Variants in PBK observed in about 807,000 individuals in gnomAD.
PBK encodes lymphokine-activated killer T-cell-originated protein kinase.
A neutral mutation model predicts 33.5 loss-of-function variants in PBK; 22 were observed. That is an observed-to-expected ratio of 0.66 (90% CI 0.47 to 0.94). The LOEUF (loss-of-function observed/expected upper bound fraction) is 0.94. PBK is among the 40% of genes least tolerant of loss of function. The pLI is 0.00. For synonymous variants in PBK, 129 were observed against 123.8 expected (o/e 1.04, Z -0.28); for missense variants, 376 against 383.4 (o/e 0.98, Z 0.16).
chr8:27,820,660 T>A lies in PBK; in HGVS notation c.500A>T (p.Asp167Val). The change falls in exon 6 of 8, where the codon GAC becomes GTC. Residue 167 changes from aspartate to valine, a missense_variant. Transcript: ENST00000301905. ...AATTACAACATTTGAAGACTTTATG[T>A]CTCCATGAAGCAGTTTCTTTTCTTG... is the stretch of plus-strand genomic sequence containing the variant. ...LHQEKKLLHG[D>V]IKSSNVVIKG... The A allele has an allele frequency of 6.4e-7, 1 of 1,570,308 alleles. No individual in the cohort carries two copies. Among genetic ancestry groups the A allele is most frequent in the East Asian group, 2.2e-5 (1 of 44,558 alleles).
chr8:27,819,365 CCTTT>C (rs1277035959), intron 6 of PBK, among the ~76,000 whole-genome samples: 1 of 151,806 alleles, frequency 6.6e-6, no homozygotes, highest in Non-Finnish European at 1.5e-5. Flanking sequence ...GAAAATGTTT[CCTTT>C]GAGTAGTTTT....
chr8:27,810,223 C>A lies in PBK; in HGVS notation c.*82G>T. 1 of 929,664 alleles carries A rather than the reference C, an allele frequency of 1.1e-6. No homozygotes were observed. The highest frequency in any genetic ancestry group is 1.7e-6 in the Non-Finnish European group (1 of 585,350). 57.6% of individuals were successfully genotyped at this position (929,664 alleles called of 1,614,324 possible). A position where few individuals can be genotyped will look rare whatever the true frequency, so the allele number is the denominator to read the frequency against. ...TCCTCAAATATGCCAATTTTAGAGT[C>A]TAATAACTACTGATAGTAACTATGT... On this transcript the variant is annotated 3_prime_UTR_variant, in exon 8 of 8. Transcript: ENST00000301905.
At chr8:27,816,363 T>A (rs191016197) in intron 6 of PBK, among the ~76,000 whole-genome samples, 8,722 of 116,420 alleles carry the variant, frequency 0.075, 626 homozygotes, top group African/African-American at 0.16. Flanking sequence ...ATATATTTAT[T>A]TATTTATTTA....
At chr8:27,811,225 G>A in intron 6 of PBK, 91 bp from the exon 7 acceptor site, 1 of 1,044,400 alleles carries the variant, frequency 9.6e-7, no homozygotes, top group Non-Finnish European at 1.5e-6. Flanking sequence ...ATTTGAACAA[G>A]TAGTTCACAG....
In PBK at chr8:27,817,028, A is replaced by G. The variant is rs73682011; in HGVS notation, c.595+3537T>C. ...TTATTTTTGAAGTGATCAGAGGCAAATCTCACAAATAGAAAGCCTTTGCCT... is the reference window on the plus strand; with the variant it reads ...TTATTTTTGAAGTGATCAGAGGCAAGTCTCACAAATAGAAAGCCTTTGCCT... On this transcript the variant is annotated intron_variant, in intron 6 of 7. Coordinates refer to ENST00000301905, the MANE Select transcript of PBK (RefSeq NM_018492.4). Among the ~76,000 whole-genome samples the G allele has an allele frequency of 7.6e-3, 1,152 of 152,200 alleles. 12 individuals carry two copies. The highest frequency in any genetic ancestry group is 0.026 in the African/African-American group (1,073 of 41,536).
intron 6 of PBK, among the ~76,000 whole-genome samples, chr8:27,819,909 CAACTT>C (rs1805887223): frequency 6.6e-6 from 1 of 152,118 alleles, no homozygotes; most frequent in Non-Finnish European, 1.5e-5. Context: ...GCCTTCAACT[CAACTT>C]GTAAACTTTT....
chr8:27,826,518 T>C (rs557490287), intron 3 of PBK, among the ~76,000 whole-genome samples: 2 of 152,316 alleles, frequency 1.3e-5, no homozygotes, highest in South Asian at 4.1e-4. Flanking sequence ...AGGCAGGCAC[T>C]GCTGTTCTTC....
At chr8:27,824,930 AT>A (rs1805997694) in intron 3 of PBK, among the ~76,000 whole-genome samples, 1 of 152,220 alleles carries the variant, frequency 6.6e-6, no homozygotes, top group Non-Finnish European at 1.5e-5. Context: ...AACAAAAAAA[AT>A]ATAGACTTCT....
chr8:27,828,244 T>C (rs1806064837), intron 2 of PBK, 46 bp from the exon 3 acceptor site: 1 of 878,430 alleles, frequency 1.1e-6, no homozygotes, highest in Non-Finnish European at 1.8e-6. Flanking sequence ...AAAATAAAAA[T>C]AAAGCATCTT....
At chr8:27,829,132 A>T (rs1304135938) in intron 2 of PBK, among the ~76,000 whole-genome samples, 1 of 152,196 alleles carries the variant, frequency 6.6e-6, no homozygotes, top group Non-Finnish European at 1.5e-5. Flanking sequence ...CACTCCAAAG[A>T]TCTGAACAGT....
intron 2 of PBK, among the ~76,000 whole-genome samples, chr8:27,831,435 T>C (rs1052297012): frequency 6.6e-6 from 1 of 150,936 alleles, no homozygotes; most frequent in Admixed American, 6.6e-5. Flanking sequence ...CAACAACTGA[T>C]AGAAATTGGG....
At chr8:27,828,389 C>T (rs943600330) in intron 2 of PBK, among the ~76,000 whole-genome samples, 191 bp from the exon 3 acceptor site, 6 of 152,130 alleles carry the variant, frequency 3.9e-5, no homozygotes, top group Admixed American at 2.6e-4. Context: ...CCTACAGTAA[C>T]TCTGAAGCAG....
chr8:27,831,876 C>T (rs1806138430), intron 2 of PBK, among the ~76,000 whole-genome samples: 1 of 152,156 alleles, frequency 6.6e-6, no homozygotes, highest in African/African-American at 2.4e-5. Context: ...TTAAACTCTT[C>T]CTACTAAGAA....
chr8:27,811,185 G>A, intron 6 of PBK, 51 bp from the exon 7 acceptor site: 1 of 1,556,422 alleles, frequency 6.4e-7, no homozygotes. Context: ...TCACGAAAAG[G>A]CAAGCAACCC....
chr8:27,836,476 T>C (rs1806229892), intron 1 of PBK, among the ~76,000 whole-genome samples: 1 of 151,296 alleles, frequency 6.6e-6, no homozygotes, highest in Admixed American at 6.6e-5. Context: ...TTTAAGTTTG[T>C]GGGATGGCAG....
Position 27,809,995 on chromosome 8 carries a change from AAAGT to A in PBK, c.*306_*309del, listed in dbSNP as rs1263625428. 1 of 282,448 alleles carries A rather than the reference AAAGT, an allele frequency of 3.5e-6. No individual in the cohort carries two copies. The highest frequency in any genetic ancestry group is 5.1e-5 in the South Asian group (1 of 19,566). 17.5% of individuals were successfully genotyped at this position (282,448 alleles called of 1,614,324 possible). On this transcript the variant is annotated 3_prime_UTR_variant, in exon 8 of 8. Coordinates refer to ENST00000301905, the MANE Select transcript of PBK (RefSeq NM_018492.4). Reference sequence around the variant, plus strand: ...GAATATTTAAGAAAGATCATTAATAAAAGTAATGGTCATTCAATTTAATGTTACA... The same window carrying A: ...GAATATTTAAGAAAGATCATTAATAAAATGGTCATTCAATTTAATGTTACA...
At chr8:27,812,694 T>C (rs1395731148) in intron 6 of PBK, 1 of 150,924 alleles carries the variant, frequency 6.6e-6, no homozygotes, top group Admixed American at 6.6e-5. Flanking sequence ...AAGAAGACAT[T>C]TATGCAGCCA....
rs115936700 is a variant in PBK, at chr8:27,824,433, A to G, written c.153-1228T>C. ...AAAAAGGCAAATTTCTGATGAGATTACACAAGAAAAAATAAAGACAATATC... is the reference window on the plus strand; with the variant it reads ...AAAAAGGCAAATTTCTGATGAGATTGCACAAGAAAAAATAAAGACAATATC... On this transcript the variant is annotated intron_variant, in intron 3 of 7. Transcript: ENST00000301905. Among the ~76,000 whole-genome samples, 1,442 of 152,260 alleles carry G rather than the reference A, an allele frequency of 9.5e-3. 26 individuals are homozygous for G. The highest frequency in any genetic ancestry group is 0.032 in the African/African-American group (1,345 of 41,554).
chr8:27,820,824 AT>A (rs71553893), intron 5 of PBK, 130 bp from the exon 6 acceptor site: 27,713 of 382,584 alleles, frequency 0.072, 2 homozygotes, highest in East Asian at 0.099. Flanking sequence ...GCGTTTCAAA[AT>A]TTTTTTTTTT....
Sources: allele counts gnomAD v4.1 joint callset (sites outside exome capture counted in the v4.1 genomes callset), GRCh38; gene constraint gnomAD v4.1.1; transcripts MANE v1.5; gene names NCBI Gene and HGNC (gene_info 2026-07-23, HGNC 2026-07-21).